The following SGO1 variants were observed in gnomAD, a reference collection of about 807,000 sequenced individuals.
The protein encoded by SGO1 is serologically defined breast cancer antigen NY-BR-85.
In SGO1, 39 loss-of-function variants were observed where a neutral mutation model predicts 50.5. The ratio of observed to expected loss-of-function variants is 0.77; its 90% CI spans 0.60 to 1.01. The LOEUF (loss-of-function observed/expected upper bound fraction) is 1.01. Among genes scored for constraint, SGO1 ranks in the 50% least tolerant of loss-of-function variants. The pLI, the probability that SGO1 is intolerant of heterozygous loss-of-function variation, is 0.00. For missense variants in SGO1, 638 were observed against 606.0 expected, an observed-to-expected ratio of 1.05 and a Z score of -0.55; for synonymous variants, 191 against 205.1, an observed-to-expected ratio of 0.93 and a Z score of 0.59.
chr3:20,174,072 T>C (rs1338354751), intron 6 of SGO1, among the ~76,000 whole-genome samples, 177 bp downstream of exon 6: 4 of 152,182 alleles, frequency 2.6e-5, no homozygotes, highest in Admixed American at 2.6e-4. Flanking sequence ...AATACAACTG[T>C]GATTTCCACA....
intron 6 of SGO1, 87 bp from the exon 7 acceptor site, chr3:20,171,319 G>A: frequency 6.5e-6 from 7 of 1,076,560 alleles, no homozygotes; most frequent in South Asian, 2.1e-5. Flanking sequence ...TATCTTAACT[G>A]TACACAAAAT....
At chr3:20,165,783 G>A (rs1226301704), downstream of SGO1, among the ~76,000 whole-genome samples, 1 of 152,206 alleles carries the variant, frequency 6.6e-6, no homozygotes, top group African/African-American at 2.4e-5. Context: ...CAGGCGCAGT[G>A]GCTCACGCCT....
Position 20,184,049 on chromosome 3 carries a change from A to G in SGO1, c.-7-15T>C. 1.3e-6 allele frequency: 2 copies of G among 1,545,632 alleles called. No homozygotes were observed. Among genetic ancestry groups the G allele is most frequent in the East Asian group, 2.3e-5 (1 of 43,532 alleles). On this transcript the variant is annotated splice_polypyrimidine_tract_variant and intron_variant, in intron 1 of 7. Coordinates refer to ENST00000412997, the MANE Select transcript of SGO1 (RefSeq NM_001199251.3). ...CCATCTTTTGCCTAAACAATAAAAA[A>G]TATTTTTTCTCAGAGAGAATATTAT...
chr3:20,170,682 T>TGTCG lies in SGO1; in HGVS notation c.*21_*22insCGAC. 1 of 1,557,188 alleles carries TGTCG rather than the reference T, an allele frequency of 6.4e-7. No homozygotes were observed. Among genetic ancestry groups the TGTCG allele is most frequent in the Admixed American group, 2.2e-5 (1 of 44,962 alleles). ...AACAGAAAGAGGTGTAGATTGAATT[T>TGTCG]AAACAATATCCAACAAAACCTTCAT... On this transcript the variant is annotated 3_prime_UTR_variant, in exon 8 of 8. Transcript: ENST00000412997.
Position 20,185,979 on chromosome 3 carries a change from T to G in SGO1, c.-39A>C, listed in dbSNP as rs1015489883. 6.6e-6 allele frequency: 1 copy of G among 152,302 alleles called. No individual in the cohort carries two copies. Among genetic ancestry groups the G allele is most frequent in the African/African-American group, 2.4e-5 (1 of 41,428 alleles). 9.4% of individuals were successfully genotyped at this position (152,302 alleles called of 1,614,324 possible). A position where few individuals can be genotyped will look rare whatever the true frequency, so the allele number is the denominator to read the frequency against. On this transcript the variant is annotated 5_prime_UTR_variant, in exon 1 of 8. Transcript: ENST00000412997. The stretch of plus-strand genomic sequence containing the variant: ...ACCTACTTCTTCCTCTTTCAGGGAC[T>G]CCAGGAAGGCCGGGGGGAGGTGGGG...
At chr3:20,166,920 T>G (rs900202610), downstream of SGO1, among the ~76,000 whole-genome samples, 5 of 147,378 alleles carry the variant, frequency 3.4e-5, no homozygotes, top group African/African-American at 1.3e-4. Flanking sequence ...GTAAAGGGGA[T>G]CCTTTGAACC....
rs976473936 is a variant in SGO1 at position 20,171,167 on chromosome 3, A to C, written c.1348T>G (p.Tyr450Asp). The part of the protein sequence containing the change: ...SLKDITNVSL[Y>D]PVVKIRRLSL... Reference sequence around the variant, plus strand: ...AGTCTTCTGATTTTCACAACAGGATACAAGGAGACATTGGTGATATCCTTC... The same window carrying C: ...AGTCTTCTGATTTTCACAACAGGATCCAAGGAGACATTGGTGATATCCTTC... Residue 450 changes from tyrosine (Y) to aspartate (D), a missense_variant, in exon 7 of 8, where the codon TAT becomes GAT. Coordinates refer to ENST00000412997, the MANE Select transcript of SGO1 (RefSeq NM_001199251.3). 10 of 1,613,072 alleles carry C rather than the reference A, an allele frequency of 6.2e-6. No individual in the cohort carries two copies. Among genetic ancestry groups the C allele is most frequent in the Non-Finnish European group, 7.6e-6 (9 of 1,179,732 alleles).
At chr3:20,161,441 G>A (rs1454647929) in intron 8 of SGO1, among the ~76,000 whole-genome samples, 1 of 152,156 alleles carries the variant, frequency 6.6e-6, no homozygotes, top group Non-Finnish European at 1.5e-5. Context: ...TAAGTGACAG[G>A]TTACATAGGC....
At chr3:20,162,422 C>A (rs2125219156) in intron 8 of SGO1, among the ~76,000 whole-genome samples, 1 of 152,202 alleles carries the variant, frequency 6.6e-6, no homozygotes, top group South Asian at 2.1e-4. Flanking sequence ...CAAAGATCTG[C>A]CCCAAAAAAC....
chr3:20,180,894 A>C (rs186871639), intron 3 of SGO1, among the ~76,000 whole-genome samples: 7 of 152,374 alleles, frequency 4.6e-5, no homozygotes, highest in African/African-American at 1.7e-4. Context: ...TGGGAGGCCA[A>C]GGCCAGAGGA....
At position 20,176,592 on chromosome 3, in the gene SGO1, T is replaced by C. The variant is rs1206067616; in HGVS notation, c.475+9A>G. On this transcript the variant is annotated intron_variant, in intron 5 of 7. Transcript: ENST00000412997. ...CTTAATAATATTTTTAGATTTTCAC[T>C]TGAATTACCTTCTATTTGAAATGAT... 6.5e-7 allele frequency: 1 copy of C among 1,538,204 alleles called. No homozygotes were observed. The highest frequency in any genetic ancestry group is 8.8e-7 in the Non-Finnish European group (1 of 1,137,950).
chr3:20,170,808 T>G lies in SGO1; in HGVS notation c.1480A>C (p.Arg494=). Residue 494 remains arginine (R), a synonymous_variant, in exon 8 of 8, where the codon AGA becomes CGA. Coordinates refer to ENST00000412997, the MANE Select transcript of SGO1 (RefSeq NM_001199251.3). The part of the protein sequence containing the change: ...YKEPTLASKL[R]RGDPFTDLCF... ...AAATCTGTAAAAGGGTCCCCTCTTC[T>G]CAGTTTCCTGTAAGAGTAAAAAGAG... 6.3e-7 allele frequency: 1 copy of G among 1,591,836 alleles called. No homozygotes were observed. Among genetic ancestry groups the G allele is most frequent in the Non-Finnish European group, 8.5e-7 (1 of 1,174,664 alleles).
At chr3:20,163,338 GAAAAT>G (rs1361048099) in intron 8 of SGO1, among the ~76,000 whole-genome samples, 1 of 152,000 alleles carries the variant, frequency 6.6e-6, no homozygotes, top group Non-Finnish European at 1.5e-5. Flanking sequence ...TTTTCAATGT[GAAAAT>G]AAAATATAAA....
chr3:20,183,284 T>C (rs1702233852), intron 3 of SGO1, among the ~76,000 whole-genome samples: 1 of 152,210 alleles, frequency 6.6e-6, no homozygotes, highest in Non-Finnish European at 1.5e-5. Flanking sequence ...TTTACATCTT[T>C]AGCTTAGTTG....
At chr3:20,173,814 A>G (rs968459321) in intron 6 of SGO1, among the ~76,000 whole-genome samples, 2 of 152,206 alleles carry the variant, frequency 1.3e-5, no homozygotes, top group African/African-American at 4.8e-5. Flanking sequence ...GGAAATCTTC[A>G]CTAACTAGAA....
intron 1 of SGO1, among the ~76,000 whole-genome samples, chr3:20,185,078 G>A (rs1346545567): frequency 6.6e-6 from 1 of 152,150 alleles, no homozygotes; most frequent in Non-Finnish European, 1.5e-5. Context: ...TCTATGCAGT[G>A]TCTGGAATCT....
At chr3:20,172,955 G>C (rs1700938989) in intron 6 of SGO1, among the ~76,000 whole-genome samples, 1 of 152,046 alleles carries the variant, frequency 6.6e-6, no homozygotes, top group South Asian at 2.1e-4. Context: ...GATAGAGCAA[G>C]ACCCTGTCTC....
chr3:20,161,021 A>T, exon 9 of SGO1: 1 of 1,586,206 alleles, frequency 6.3e-7, no homozygotes, highest in Non-Finnish European at 8.6e-7. Flanking sequence ...CCCAACACAT[A>T]AAGCTAGAAT....
intron 8 of SGO1, among the ~76,000 whole-genome samples, chr3:20,162,843 T>C (rs1033422091): frequency 6.8e-6 from 1 of 147,080 alleles, no homozygotes; most frequent in East Asian, 1.9e-4. Flanking sequence ...ATACACTGGA[T>C]AGGATTAATA....
Sources: gnomAD v4.1 joint callset for allele counts (sites outside exome capture counted in the v4.1 genomes callset) on GRCh38, gnomAD v4.1.1 for gene constraint, MANE v1.5 for transcripts, NCBI Gene and HGNC (gene_info 2026-07-23, HGNC 2026-07-21) for gene names.